TMEM150C: variants seen among roughly 807,000 people sequenced by gnomAD.
TMEM150C encodes the protein tentonin 3.
Under a neutral mutation model 29.9 loss-of-function variants are expected in TMEM150C, and 10 were observed. The observed-to-expected ratio is 0.33, with a 90% confidence interval of 0.21 to 0.57. The LOEUF is 0.57. TMEM150C is among the 20% of genes least tolerant of loss of function. The pLI is 0.88. For synonymous variants in TMEM150C, 101 were observed against 112.5 expected, an observed-to-expected ratio of 0.90 and a Z score of 0.64; for missense variants, 251 against 303.6, an observed-to-expected ratio of 0.83 and a Z score of 1.29.
chr4:82,501,706 C>T (rs1723742486), intron 5 of TMEM150C, among the ~76,000 whole-genome samples: 4 of 152,128 alleles, frequency 2.6e-5, no homozygotes, highest in Admixed American at 2.6e-4. Context: ...GCATGTTGGA[C>T]CACCTGTCTC....
chr4:82,517,617 GA>G (rs1165426518), intron 1 of TMEM150C, among the ~76,000 whole-genome samples: 1 of 152,134 alleles, frequency 6.6e-6, no homozygotes, highest in Non-Finnish European at 1.5e-5. Flanking sequence ...TGGGATTCCA[GA>G]CACATACCTG....
chr4:82,540,565 C>A (rs1725169378), intron 1 of TMEM150C, among the ~76,000 whole-genome samples: 1 of 151,924 alleles, frequency 6.6e-6, no homozygotes, highest in African/African-American at 2.4e-5. Flanking sequence ...TGGCTAAGTT[C>A]TTCTAGGGAA....
chr4:82,505,322 C>T (rs998281195), intron 1 of TMEM150C, among the ~76,000 whole-genome samples: 1 of 152,112 alleles, frequency 6.6e-6, no homozygotes, highest in African/African-American at 2.4e-5. Flanking sequence ...GTTGAGATTA[C>T]AGGCATGAGC....
intron 1 of TMEM150C, among the ~76,000 whole-genome samples, chr4:82,544,973 G>A (rs1210890421): frequency 3.1e-4 from 47 of 152,120 alleles, no homozygotes; most frequent in Admixed American, 3.1e-3. Context: ...GATGTACAAG[G>A]AAGAGCTGGT....
At chr4:82,509,189 G>A (rs1724037528) in intron 1 of TMEM150C, among the ~76,000 whole-genome samples, 1 of 152,060 alleles carries the variant, frequency 6.6e-6, no homozygotes, top group African/African-American at 2.4e-5. Flanking sequence ...TGCACAGTGG[G>A]GCTCTTCAAC....
chr4:82,486,409 T>G (rs998113385), intron 7 of TMEM150C, among the ~76,000 whole-genome samples: 10 of 147,140 alleles, frequency 6.8e-5, no homozygotes, highest in Non-Finnish European at 1.2e-4. Flanking sequence ...TATCGTTATA[T>G]CTGCAGAAAT....
rs775122740 is a variant in TMEM150C at position 82,494,948 on chromosome 4, C to G, written c.363+1120G>C. The G allele has an allele frequency of 3.3e-5, 20 of 599,708 alleles. No homozygotes were observed. In the African/African-American group the frequency reaches 3.5e-4, roughly 10 times the overall value. 37.1% of individuals were successfully genotyped at this position (599,708 alleles called of 1,614,324 possible). A position where few individuals can be genotyped will look rare whatever the true frequency, so the allele number is the denominator to read the frequency against. On this transcript the variant is annotated intron_variant, in intron 6 of 7. Transcript: ENST00000449862. Reference sequence around the variant, plus strand: ...CTTTAGCCTCCTTCATTCTCTTGGCCGAAAGTTTAGCATATTCTGCAGCCT... The same window carrying G: ...CTTTAGCCTCCTTCATTCTCTTGGCGGAAAGTTTAGCATATTCTGCAGCCT...
At chr4:82,558,748 T>C in intron 1 of TMEM150C, among the ~76,000 whole-genome samples, 1 of 152,340 alleles carries the variant, frequency 6.6e-6, no homozygotes, top group South Asian at 2.1e-4. Flanking sequence ...TAAAGCTACA[T>C]GGCACCATCA....
At chr4:82,536,618 T>G (rs1277287630) in intron 1 of TMEM150C, among the ~76,000 whole-genome samples, 1 of 152,062 alleles carries the variant, frequency 6.6e-6, no homozygotes, top group East Asian at 1.9e-4. Context: ...GGTGCATGCC[T>G]GTAGTCCCAG....
At chr4:82,530,328 C>T (rs1231149371) in intron 1 of TMEM150C, among the ~76,000 whole-genome samples, 6 of 151,912 alleles carry the variant, frequency 3.9e-5, no homozygotes, top group Non-Finnish European at 4.4e-5. Context: ...GAGGCAGAGG[C>T]GGGTGGATCA....
chr4:82,553,243 A>C (rs1008674017), intron 1 of TMEM150C, among the ~76,000 whole-genome samples: 1 of 152,228 alleles, frequency 6.6e-6, no homozygotes, highest in African/African-American at 2.4e-5. Context: ...AAATGCCCTA[A>C]GACAAAAACA....
intron 1 of TMEM150C, among the ~76,000 whole-genome samples, chr4:82,528,743 T>G (rs2110081790): frequency 6.6e-6 from 1 of 151,792 alleles, no homozygotes; most frequent in Non-Finnish European, 1.5e-5. Context: ...GGACTACAGG[T>G]GTGCACCAAG....
At position 82,485,322 on chromosome 4, in the gene TMEM150C, C is replaced by T. The variant is rs2110059326; in HGVS notation, c.*189G>A. 1 of 588,478 alleles carries T rather than the reference C, an allele frequency of 1.7e-6. No individual in the cohort carries two copies. Among genetic ancestry groups the T allele is most frequent in the Middle Eastern group, 4.6e-4 (1 of 2,186 alleles). The allele number at this position is 588,478 out of a possible 1,614,324, so 36.5% of individuals were successfully genotyped here. ...TTCAGTGTAACAGCGTGTATTTCGA[C>T]ACATAAGGGCTTGTGCTTTTTCATT... is the stretch of plus-strand genomic sequence containing the variant. On this transcript the variant is annotated 3_prime_UTR_variant, in exon 8 of 8. Coordinates refer to ENST00000449862, the MANE Select transcript of TMEM150C (RefSeq NM_001080506.3).
intron 1 of TMEM150C, among the ~76,000 whole-genome samples, chr4:82,531,448 T>C (rs1724842402): frequency 6.6e-6 from 1 of 151,886 alleles, no homozygotes; most frequent in Admixed American, 6.6e-5. Context: ...AATGGAGGAA[T>C]GGAGGCTGAA....
intron 1 of TMEM150C, among the ~76,000 whole-genome samples, chr4:82,558,390 G>C (rs967248637): frequency 7.2e-5 from 11 of 152,234 alleles, no homozygotes; most frequent in African/African-American, 2.6e-4. Flanking sequence ...ATCTAGAAAA[G>C]GCTGTTTATA....
chr4:82,507,727 C>CTTTTTTTTTTTTTTTTTT lies in TMEM150C; in HGVS notation c.-10-3078_-10-3061dup, dbSNP rs869112887. On this transcript the variant is annotated intron_variant, in intron 1 of 7. Transcript: ENST00000449862. The stretch of plus-strand genomic sequence containing the variant: ...TTAAATTAACTCTCTCTCTCTCTCT[C>CTTTTTTTTTTTTTTTTTT]TTTTTTTTTTTTTTTTTTTTTTTTT... Among the ~76,000 whole-genome samples, 23 of 20,574 alleles carry CTTTTTTTTTTTTTTTTTT rather than the reference C, an allele frequency of 1.1e-3. 3 individuals carry two copies. Among genetic ancestry groups the CTTTTTTTTTTTTTTTTTT allele is most frequent in the Admixed American group, 1.5e-3 (2 of 1,298 alleles). 13.5% of individuals were successfully genotyped at this position (20,574 alleles called of 152,430 possible). A position where few individuals can be genotyped will look rare whatever the true frequency, so the allele number is the denominator to read the frequency against.
intron 1 of TMEM150C, among the ~76,000 whole-genome samples, chr4:82,512,982 A>G (rs577831137): frequency 1.7e-4 from 26 of 152,306 alleles, no homozygotes; most frequent in African/African-American, 5.8e-4. Context: ...GGGAAGGGCA[A>G]CTTGGGGAAG....
chr4:82,485,635 C>A lies in TMEM150C; in HGVS notation c.626G>T (p.Gly209Val), dbSNP rs1723136360. 6.2e-7 allele frequency: 1 copy of A among 1,609,720 alleles called. No homozygotes were observed. The highest frequency in any genetic ancestry group is 8.5e-7 in the Non-Finnish European group (1 of 1,178,096). ...GLVMCFLSYF[G>V]TFAVEFRHYR... ...ATGCCGGAACTCCACGGCAAAGGTG[C>A]CAAAATAAGACAGGAAGCACATGAC... Residue 209 changes from glycine (G) to valine (V), a missense_variant, in exon 8 of 8, where the codon GGC becomes GTC. Coordinates refer to ENST00000449862, the MANE Select transcript of TMEM150C (RefSeq NM_001080506.3).
chr4:82,532,007 A>G (rs1325690951), intron 1 of TMEM150C, among the ~76,000 whole-genome samples: 3 of 152,092 alleles, frequency 2.0e-5, no homozygotes, highest in Non-Finnish European at 4.4e-5. Flanking sequence ...TAAGTTGAGA[A>G]AGGGATGGGA....
Sources: gnomAD v4.1 joint callset for allele counts (sites outside exome capture counted in the v4.1 genomes callset) on GRCh38, gnomAD v4.1.1 for gene constraint, MANE v1.5 for transcripts, NCBI Gene and HGNC (gene_info 2026-07-23, HGNC 2026-07-21) for gene names.